Variants in ZNF618 observed in about 807,000 individuals in gnomAD.
ZNF618 encodes zinc finger protein 618, also known as neural precursor cell expressed, developmentally down-regulated 10.
In ZNF618, 34 loss-of-function variants were observed where a neutral mutation model predicts 103.0. The observed-to-expected ratio is 0.33, with a 90% confidence interval of 0.25 to 0.44. ZNF618 has a LOEUF of 0.44. Among genes scored for constraint, ZNF618 ranks in the 20% least tolerant of loss-of-function variants. ZNF618 has a pLI of 1.00. For synonymous variants in ZNF618, 551 were observed against 542.2 expected (o/e 1.02, Z -0.23); for missense variants, 1,059 against 1,295.4 (o/e 0.82, Z 2.80).
chr9:113,957,255 G>T (rs1476648836), intron 1 of ZNF618, among the ~76,000 whole-genome samples: 1 of 152,204 alleles, frequency 6.6e-6, no homozygotes, highest in East Asian at 1.9e-4. Flanking sequence ...CACTGGCTGA[G>T]AATATTATAG....
chr9:113,967,192 C>T (rs974214668), intron 1 of ZNF618, among the ~76,000 whole-genome samples: 3 of 152,142 alleles, frequency 2.0e-5, no homozygotes, highest in Non-Finnish European at 4.4e-5. Context: ...TTTTTAAGAT[C>T]TCTGGGGCAG....
chr9:113,972,515 C>T (rs1838067498), intron 2 of ZNF618, among the ~76,000 whole-genome samples: 1 of 151,890 alleles, frequency 6.6e-6, no homozygotes, highest in South Asian at 2.1e-4. Flanking sequence ...AGTCTGACTT[C>T]TGTGATGCAC....
intron 3 of ZNF618, 33 bp downstream of exon 3, chr9:113,988,613 A>C: frequency 6.3e-7 from 1 of 1,578,012 alleles, no homozygotes; most frequent in Non-Finnish European, 8.6e-7. Flanking sequence ...CAGGGTGGAG[A>C]CCAGGGTGGG....
At chr9:113,910,131 C>T (rs1391143678) in intron 1 of ZNF618, among the ~76,000 whole-genome samples, 1 of 152,032 alleles carries the variant, frequency 6.6e-6, no homozygotes, top group Non-Finnish European at 1.5e-5. Context: ...GCCCCTTATC[C>T]CTGCTATACT....
chr9:113,991,258 TAG>T (rs1840032481), intron 3 of ZNF618, among the ~76,000 whole-genome samples: 1 of 152,172 alleles, frequency 6.6e-6, no homozygotes, highest in African/African-American at 2.4e-5. Context: ...CACTGTACCT[TAG>T]TGTCCTCCTG....
chr9:113,951,423 GTGTGTGTGTATATATATACATATA>G lies in ZNF618; in HGVS notation c.34-17688_34-17665del. Reference sequence around the variant, plus strand: ...TATACGTATATATACACACATATATGTGTGTGTGTATATATATACATATATGTGTATATATACATATATGTGTGT... The same window carrying G: ...TATACGTATATATACACACATATATGTGTGTATATATACATATATGTGTGT... On this transcript the variant is annotated intron_variant, in intron 1 of 14. Coordinates refer to ENST00000374126, the MANE Select transcript of ZNF618 (RefSeq NM_001318042.2). Among the ~76,000 whole-genome samples, 2 of 4,474 alleles carry G rather than the reference GTGTGTGTGTATATATATACATATA, an allele frequency of 4.5e-4. 1 individual carries two copies. The highest frequency in any genetic ancestry group is 6.4e-3 in the East Asian group (2 of 314). 2.9% of individuals were successfully genotyped at this position (4,474 alleles called of 152,430 possible).
At chr9:113,920,941 G>C (rs532331092) in intron 1 of ZNF618, among the ~76,000 whole-genome samples, 22 of 152,306 alleles carry the variant, frequency 1.4e-4, no homozygotes, top group African/African-American at 5.3e-4. Flanking sequence ...AGTGCTACCT[G>C]GGTAGCCCAT....
intron 1 of ZNF618, among the ~76,000 whole-genome samples, chr9:113,899,488 A>G (rs1335301537): frequency 1.3e-5 from 2 of 152,200 alleles, no homozygotes; most frequent in African/African-American, 4.8e-5. Flanking sequence ...ACACCGTTAG[A>G]TTCTCATAGG....
chr9:113,993,199 A>T (rs899856179), intron 3 of ZNF618, among the ~76,000 whole-genome samples: 1 of 152,098 alleles, frequency 6.6e-6, no homozygotes, highest in Non-Finnish European at 1.5e-5. Context: ...GGAGGAGCAA[A>T]CACAAGGCAC....
In ZNF618 at chr9:114,049,645, C is replaced by T; in HGVS notation, c.2343C>T (p.Val781=). The T allele has an allele frequency of 6.2e-7, 1 of 1,613,854 alleles. No homozygotes were observed. Among genetic ancestry groups the T allele is most frequent in the Non-Finnish European group, 8.5e-7 (1 of 1,179,910 alleles). ...CCAAGGCCAACGACGCAGGCACTGT[C>T]AGCAAGCTCTGCCACCTCTTCCTGG... ...FTAKANDAGT[V]SKLCHLFLEA... The change falls in exon 15 of 15, where the codon GTC becomes GTT. Residue 781 remains valine, a synonymous_variant. Coordinates refer to ENST00000374126, the MANE Select transcript of ZNF618 (RefSeq NM_001318042.2).
chr9:113,943,823 C>T (rs1271941703), intron 1 of ZNF618, among the ~76,000 whole-genome samples: 2 of 152,070 alleles, frequency 1.3e-5, no homozygotes, highest in Non-Finnish European at 2.9e-5. Context: ...TTCCCTGTGC[C>T]GGTGGTCAGG....
At chr9:114,026,798 C>T (rs1196018909) in intron 10 of ZNF618, among the ~76,000 whole-genome samples, 1 of 152,124 alleles carries the variant, frequency 6.6e-6, no homozygotes, top group Non-Finnish European at 1.5e-5. Flanking sequence ...CTGAGACTTT[C>T]TTGGATTCCC....
chr9:113,974,225 C>G (rs139213449), intron 2 of ZNF618, among the ~76,000 whole-genome samples: 51 of 152,350 alleles, frequency 3.3e-4, no homozygotes, highest in Middle Eastern at 3.4e-3. Flanking sequence ...CTAATTTGAG[C>G]ATTCAGGGAA....
chr9:114,039,938 G>C (rs556799434), intron 13 of ZNF618, among the ~76,000 whole-genome samples: 1 of 150,866 alleles, frequency 6.6e-6, no homozygotes, highest in African/African-American at 2.5e-5. Flanking sequence ...TGTACATGTG[G>C]GGGAGGGGGG....
intron 1 of ZNF618, among the ~76,000 whole-genome samples, chr9:113,911,619 G>A (rs1020542648): frequency 6.6e-6 from 1 of 152,150 alleles, no homozygotes; most frequent in Non-Finnish European, 1.5e-5. Flanking sequence ...GTGAGCCACC[G>A]TGCCTGGCCG....
At chr9:113,889,345 C>CTCTCTCTT (rs1829391571) in intron 1 of ZNF618, among the ~76,000 whole-genome samples, 2 of 150,926 alleles carry the variant, frequency 1.3e-5, no homozygotes, top group Non-Finnish European at 2.9e-5. Flanking sequence ...CTCTCTCTCT[C>CTCTCTCTT]TTTCTCTCCC....
chr9:113,902,018 C>G (rs1369112098), intron 1 of ZNF618, among the ~76,000 whole-genome samples: 1 of 152,040 alleles, frequency 6.6e-6, no homozygotes, highest in Non-Finnish European at 1.5e-5. Flanking sequence ...GCAATACAGA[C>G]TCTCTTTCTG....
intron 12 of ZNF618, among the ~76,000 whole-genome samples, chr9:114,033,822 G>A (rs1397706510): frequency 6.9e-6 from 1 of 144,958 alleles, no homozygotes; most frequent in Admixed American, 6.8e-5. Flanking sequence ...TTAGGTGTCA[G>A]CCTGTGCCAG....
intron 11 of ZNF618, among the ~76,000 whole-genome samples, chr9:114,029,466 C>T (rs1843807760): frequency 6.6e-6 from 1 of 152,124 alleles, no homozygotes; most frequent in African/African-American, 2.4e-5. Flanking sequence ...TCCACATCCT[C>T]ACCACGCCTT....
Sources: allele counts gnomAD v4.1 joint callset (sites outside exome capture counted in the v4.1 genomes callset), GRCh38; gene constraint gnomAD v4.1.1; transcripts MANE v1.5; gene names NCBI Gene and HGNC (gene_info 2026-07-23, HGNC 2026-07-21).